The following NCKAP5 variants were observed in gnomAD, a reference collection of about 807,000 sequenced individuals.
NCKAP5 encodes the protein nck-associated protein 5.
A neutral mutation model predicts 167.0 loss-of-function variants in NCKAP5; 92 were observed. The observed-to-expected ratio is 0.55, with a 90% CI of 0.47 to 0.66. The LOEUF is 0.66. Among genes scored for constraint, NCKAP5 ranks in the 30% least tolerant of loss-of-function variants. The probability of loss-of-function intolerance (pLI) is 0.00; values close to 1 mark genes in which losing one functional copy is unlikely to be tolerated. For synonymous variants in NCKAP5, 891 were observed against 877.4 expected (o/e 1.02, Z -0.27); for missense variants, 2,378 against 2,315.0 (o/e 1.03, Z -0.56).
At position 133,160,828 on chromosome 2, in the gene NCKAP5, A is replaced by T. The variant is rs187514000; in HGVS notation, c.208-30717T>A. ...TTAGAAGAAATCTAGATGATAATCT[A>T]TTTCTAGGGAGAGTCTTCTACTTTA... On this transcript the variant is annotated intron_variant, in intron 5 of 19. Transcript: ENST00000409261. Among the ~76,000 whole-genome samples the T allele has an allele frequency of 7.2e-5, 11 of 152,210 alleles. No individual in the cohort carries two copies. In the East Asian group the frequency reaches 2.1e-3, roughly 29 times the overall value.
chr2:132,971,859 T>G (rs1218616559), intron 7 of NCKAP5, among the ~76,000 whole-genome samples: 1 of 152,170 alleles, frequency 6.6e-6, no homozygotes, highest in Non-Finnish European at 1.5e-5. Context: ...ACTCTGGCCC[T>G]AGTGACTCAC....
At chr2:133,497,944 A>G (rs79344353) in intron 3 of NCKAP5, among the ~76,000 whole-genome samples, 1 of 152,278 alleles carries the variant, frequency 6.6e-6, no homozygotes, top group East Asian at 1.9e-4. Flanking sequence ...AATGGTGAAA[A>G]TGAGCAAATG....
At chr2:133,224,236 TA>T (rs2086785181) in intron 4 of NCKAP5, among the ~76,000 whole-genome samples, 1 of 152,216 alleles carries the variant, frequency 6.6e-6, no homozygotes, top group Non-Finnish European at 1.5e-5. Flanking sequence ...CCTTCTTACC[TA>T]TTTATCTCCT....
intron 7 of NCKAP5, among the ~76,000 whole-genome samples, chr2:132,973,530 T>G (rs2076894013): frequency 6.6e-6 from 1 of 152,212 alleles, no homozygotes. Flanking sequence ...CTTCTCACTT[T>G]AAATTTATAC....
chr2:133,481,663 T>C (rs914129338), intron 3 of NCKAP5, among the ~76,000 whole-genome samples: 2 of 152,174 alleles, frequency 1.3e-5, no homozygotes, highest in African/African-American at 4.8e-5. Flanking sequence ...TAGCTCCCAC[T>C]TATAAGTGAG....
At chr2:132,872,417 C>T (rs1690896289) in intron 9 of NCKAP5, among the ~76,000 whole-genome samples, 1 of 152,204 alleles carries the variant, frequency 6.6e-6, no homozygotes, top group Non-Finnish European at 1.5e-5. Flanking sequence ...TTCCTCCATG[C>T]ACTCTCTTGG....
chr2:133,183,166 A>G (rs1266325425), intron 5 of NCKAP5, among the ~76,000 whole-genome samples: 1 of 151,886 alleles, frequency 6.6e-6, no homozygotes, highest in East Asian at 1.9e-4. Context: ...TGGTTTCACT[A>G]GAGAAATCTA....
intron 3 of NCKAP5, among the ~76,000 whole-genome samples, chr2:133,471,603 C>G (rs1041621879): frequency 1.1e-4 from 16 of 152,170 alleles, no homozygotes; most frequent in African/African-American, 3.6e-4. Context: ...CTTAGAAAGA[C>G]ACTGCCTTGG....
At chr2:133,026,943 CCTGT>C (rs2078718065) in intron 6 of NCKAP5, among the ~76,000 whole-genome samples, 1 of 152,196 alleles carries the variant, frequency 6.6e-6, no homozygotes, top group Non-Finnish European at 1.5e-5. Context: ...CTGCTCTATT[CCTGT>C]CTATGTCACC....
intron 5 of NCKAP5, among the ~76,000 whole-genome samples, chr2:133,131,279 G>A (rs745585492): frequency 6.6e-6 from 1 of 152,124 alleles, no homozygotes; most frequent in African/African-American, 2.4e-5. Context: ...AAGCTGCCTA[G>A]GTCTCTCGGT....
At chr2:132,950,348 A>G (rs2076146192) in intron 8 of NCKAP5, among the ~76,000 whole-genome samples, 1 of 152,190 alleles carries the variant, frequency 6.6e-6, no homozygotes, top group African/African-American at 2.4e-5. Context: ...CATAAATGTT[A>G]TAATATCATT....
intron 5 of NCKAP5, among the ~76,000 whole-genome samples, chr2:133,135,238 CCT>C (rs558354695): frequency 4.3e-4 from 65 of 152,270 alleles, no homozygotes; most frequent in South Asian, 8.3e-4. Context: ...GAAACTGAGA[CCT>C]CTGTGATGAC....
At chr2:133,111,095 C>T (rs867222334) in intron 6 of NCKAP5, among the ~76,000 whole-genome samples, 14 of 152,140 alleles carry the variant, frequency 9.2e-5, no homozygotes, top group African/African-American at 3.4e-4. Flanking sequence ...TCTCCAAATA[C>T]AGTCACATCA....
chr2:133,220,083 A>G (rs1005679619), intron 4 of NCKAP5, among the ~76,000 whole-genome samples: 5 of 152,210 alleles, frequency 3.3e-5, no homozygotes, highest in African/African-American at 4.8e-5. Flanking sequence ...TGGATTTGCA[A>G]GCTACCCAAG....
chr2:132,850,400 A>G (rs1688984580), intron 11 of NCKAP5, among the ~76,000 whole-genome samples: 1 of 152,098 alleles, frequency 6.6e-6, no homozygotes, highest in African/African-American at 2.4e-5. Flanking sequence ...GTGAGGGCCT[A>G]AGCGGGCAGT....
At chr2:133,605,461 T>G in the NCKAP5 span, among the ~76,000 whole-genome samples, 11 of 151,802 alleles carry the variant, frequency 7.2e-5, no homozygotes. Context: ...CTAAAGGGGA[T>G]GAAGACCCGG....
At chr2:132,898,569 C>T (rs1390121195) in intron 8 of NCKAP5, among the ~76,000 whole-genome samples, 1 of 152,206 alleles carries the variant, frequency 6.6e-6, no homozygotes, top group African/African-American at 2.4e-5. Flanking sequence ...AATGTCACTA[C>T]TTAAATATAA....
In NCKAP5 at chr2:132,675,292, G is replaced by A. The variant is rs1282851383; in HGVS notation, c.5714-1987C>T. Among the ~76,000 whole-genome samples, 3 of 152,204 alleles carry A rather than the reference G, an allele frequency of 2.0e-5. 1 individual carries two copies. The South Asian group carries it at 6.2e-4, about 32-fold the overall frequency. ...TCAGCTTGGCCCTTTCACGGGCTGA[G>A]TGCTACAAGCATCCTTCTTCAGGTG... is the stretch of plus-strand genomic sequence containing the variant. On this transcript the variant is annotated intron_variant, in intron 19 of 19. Coordinates refer to ENST00000409261, the MANE Select transcript of NCKAP5 (RefSeq NM_207363.3).
chr2:132,747,559 G>GT (rs1679755125), intron 16 of NCKAP5, among the ~76,000 whole-genome samples: 1 of 152,150 alleles, frequency 6.6e-6, no homozygotes, highest in Non-Finnish European at 1.5e-5. Context: ...TTTCCAGTAG[G>GT]GTGGGGATCC....
Sources: allele counts gnomAD v4.1 joint callset (sites outside exome capture counted in the v4.1 genomes callset), GRCh38; gene constraint gnomAD v4.1.1; transcripts MANE v1.5; gene names NCBI Gene and HGNC (gene_info 2026-07-23, HGNC 2026-07-21).